ABL2: variants seen among roughly 807,000 people sequenced by gnomAD.
ABL2 encodes the protein tyrosine-protein kinase ABL2.
A neutral mutation model predicts 107.7 loss-of-function variants in ABL2; 49 were observed. The observed-to-expected ratio is 0.45, with a 90% confidence interval of 0.36 to 0.58. ABL2 has a LOEUF of 0.58. Ranked by LOEUF, ABL2 falls within the 20% of genes least tolerant of loss-of-function variation. The pLI is 0.00. For synonymous variants in ABL2, 549 were observed against 548.6 expected (o/e 1.00, Z -0.01); for missense variants, 1,245 against 1,457.0 (o/e 0.85, Z 2.37).
intron 1 of ABL2, among the ~76,000 whole-genome samples, chr1:179,200,965 C>T (rs1223948344): frequency 6.6e-6 from 1 of 152,150 alleles, no homozygotes; most frequent in Non-Finnish European, 1.5e-5. Context: ...AGGGGGTGAT[C>T]ACATAAGCAC....
chr1:179,145,435 A>G (rs1657914759), intron 1 of ABL2, among the ~76,000 whole-genome samples: 1 of 152,208 alleles, frequency 6.6e-6, no homozygotes, highest in South Asian at 2.1e-4. Context: ...TTGAATACCT[A>G]TTAATTCTAA....
intron 1 of ABL2, among the ~76,000 whole-genome samples, chr1:179,188,374 TCTA>T (rs1210840016): frequency 1.3e-5 from 2 of 151,332 alleles, no homozygotes; most frequent in Non-Finnish European, 2.9e-5. Flanking sequence ...AAACCCTATC[TCTA>T]CTAACAATAC....
chr1:179,172,293 T>A (rs1007130840), intron 1 of ABL2, among the ~76,000 whole-genome samples: 2 of 152,196 alleles, frequency 1.3e-5, no homozygotes, highest in African/African-American at 4.8e-5. Context: ...TGTCCTACTA[T>A]CTATTAACCC....
intron 1 of ABL2, among the ~76,000 whole-genome samples, chr1:179,165,953 G>T (rs576441498): frequency 6.6e-6 from 1 of 151,858 alleles, no homozygotes; most frequent in Non-Finnish European, 1.5e-5. Flanking sequence ...ATGCTACCAC[G>T]CCCAGCTAAT....
chr1:179,131,609 G>T, intron 2 of ABL2, 128 bp from the exon 3 acceptor site: 1 of 865,734 alleles, frequency 1.2e-6, no homozygotes, highest in Non-Finnish European at 1.7e-6. Flanking sequence ...AGTATAAAGT[G>T]TTATGAAGAA....
chr1:179,201,008 C>T (rs1341602941), intron 1 of ABL2, among the ~76,000 whole-genome samples: 1 of 152,122 alleles, frequency 6.6e-6, no homozygotes, highest in Non-Finnish European at 1.5e-5. Context: ...ATTCCAGACT[C>T]CCAGAAAGAA....
intron 1 of ABL2, among the ~76,000 whole-genome samples, chr1:179,192,519 T>C (rs908312994): frequency 2.0e-5 from 3 of 152,210 alleles, no homozygotes; most frequent in African/African-American, 7.2e-5. Flanking sequence ...TGAATTTCCA[T>C]TTTCCAAGTC....
In ABL2 at chr1:179,110,827, T is replaced by C. The variant is rs527476071; in HGVS notation, c.1652-372A>G. On this transcript the variant is annotated intron_variant, in intron 10 of 11. Coordinates refer to ENST00000502732, the MANE Select transcript of ABL2 (RefSeq NM_007314.4). The stretch of plus-strand genomic sequence containing the variant: ...GGTTCACAATGTTATGCACGTCTGA[T>C]TGGCACAATGTAGGAGAACTGGTGG... The C allele has an allele frequency of 7.4e-5, 120 of 1,613,990 alleles. 2 individuals carry two copies. In the South Asian group the frequency reaches 1.2e-3, roughly 16 times the overall value.
chr1:179,108,111 G>A lies in ABL2; in HGVS notation c.3156C>T (p.Ser1052=). The change falls in exon 12 of 12, where the codon TCC becomes TCT. Residue 1052 remains serine (S), a synonymous_variant. Transcript: ENST00000502732. Reference sequence around the variant, plus strand: ...CATTGGCCATTTTGGCTGGCGAGATGGAAGATGTGGGCAGAGGCACTTGAG... The same window carrying A: ...CATTGGCCATTTTGGCTGGCGAGATAGAAGATGTGGGCAGAGGCACTTGAG... ...PPPQVPLPTS[S]ISPAKMANGT... is the part of the protein sequence containing the mutation. 1.2e-6 allele frequency: 2 copies of A among 1,614,244 alleles called. No individual in the cohort carries two copies. The highest frequency in any genetic ancestry group is 2.2e-5 in the South Asian group (2 of 91,082).
intron 1 of ABL2, among the ~76,000 whole-genome samples, chr1:179,181,890 C>T (rs1660395528): frequency 6.6e-6 from 1 of 151,548 alleles, no homozygotes; most frequent in Admixed American, 6.6e-5. Flanking sequence ...AAGCAATTAT[C>T]CTGCCTCAAC....
Position 179,152,111 on chromosome 1 carries a change from T to G in ABL2, c.158-18737A>C, listed in dbSNP as rs150656207. Among the ~76,000 whole-genome samples the G allele has an allele frequency of 6.6e-5, 10 of 152,260 alleles. No homozygotes were observed. The East Asian group carries it at 1.9e-3, about 29-fold the overall frequency. On this transcript the variant is annotated intron_variant, in intron 1 of 11. Transcript: ENST00000502732. Reference sequence around the variant, plus strand: ...AAGGCCAGATCAAGATGTGGAAACCTGGGTAGGCTAATAATTAACACTTCT... The same window carrying G: ...AAGGCCAGATCAAGATGTGGAAACCGGGGTAGGCTAATAATTAACACTTCT...
intron 1 of ABL2, among the ~76,000 whole-genome samples, chr1:179,167,524 T>C (rs1659460964): frequency 6.6e-6 from 1 of 152,080 alleles, no homozygotes; most frequent in Non-Finnish European, 1.5e-5. Flanking sequence ...TGACTATAGT[T>C]AGAAACAACG....
At chr1:179,186,275 G>A (rs1660680177) in intron 1 of ABL2, among the ~76,000 whole-genome samples, 1 of 151,976 alleles carries the variant, frequency 6.6e-6, no homozygotes, top group South Asian at 2.1e-4. Flanking sequence ...CCTCTTCTGG[G>A]CTACAACTAC....
intron 1 of ABL2, among the ~76,000 whole-genome samples, chr1:179,224,145 A>C (rs1158372015): frequency 6.7e-6 from 1 of 150,112 alleles, no homozygotes; most frequent in Non-Finnish European, 1.5e-5. Flanking sequence ...AAAAAAAAAA[A>C]AAAAAAAAAA....
intron 1 of ABL2, among the ~76,000 whole-genome samples, chr1:179,216,808 C>T (rs1455017019): frequency 6.6e-6 from 1 of 151,842 alleles, no homozygotes; most frequent in African/African-American, 2.4e-5. Context: ...CTCAGCCTCC[C>T]GAGTAGCTGC....
At chr1:179,145,023 T>C (rs1657889292) in intron 1 of ABL2, among the ~76,000 whole-genome samples, 10 of 152,184 alleles carry the variant, frequency 6.6e-5, no homozygotes, top group Admixed American at 6.5e-4. Context: ...AGGAGATAAA[T>C]GGATAAACAA....
At chr1:179,112,203 C>T (rs917300446) in intron 10 of ABL2, 106 bp downstream of exon 10, 4 of 955,742 alleles carry the variant, frequency 4.2e-6, no homozygotes, top group Middle Eastern at 4.4e-4. Flanking sequence ...GAAACAGAGT[C>T]TCAAACTCCA....
chr1:179,221,420 A>G (rs1181773516), intron 1 of ABL2, among the ~76,000 whole-genome samples: 1 of 152,134 alleles, frequency 6.6e-6, no homozygotes, highest in Non-Finnish European at 1.5e-5. Context: ...GTGAAAACCC[A>G]TCTGTACTGA....
At chr1:179,174,471 G>T (rs113555636) in intron 1 of ABL2, among the ~76,000 whole-genome samples, 3,348 of 151,782 alleles carry the variant, frequency 0.022, 66 homozygotes, top group Middle Eastern at 0.054. Flanking sequence ...TTAGCCGGGC[G>T]TGGTGGCACA....
Sources: gnomAD v4.1 joint callset for allele counts (sites outside exome capture counted in the v4.1 genomes callset) on GRCh38, gnomAD v4.1.1 for gene constraint, MANE v1.5 for transcripts, NCBI Gene and HGNC (gene_info 2026-07-23, HGNC 2026-07-21) for gene names.